The following C14orf93 variants were observed in gnomAD, a reference collection of about 807,000 sequenced individuals.
C14orf93 encodes uncharacterized protein C14orf93.
C14orf93 carries 23 observed loss-of-function variants against 44.0 expected under a neutral mutation model. The observed-to-expected ratio is 0.52, with a 90% confidence interval of 0.38 to 0.74. The LOEUF is 0.74. Ranked by LOEUF, C14orf93 falls within the 30% of genes least tolerant of loss-of-function variation. The probability of loss-of-function intolerance (pLI) is 0.00; values close to 1 mark genes in which losing one functional copy is unlikely to be tolerated. For synonymous variants in C14orf93, 253 were observed against 265.7 expected, an observed-to-expected ratio of 0.95 and a Z score of 0.46; for missense variants, 579 against 678.9, an observed-to-expected ratio of 0.85 and a Z score of 1.64.
chr14:22,993,559 C>CA (rs954529620), intron 3 of C14orf93, among the ~76,000 whole-genome samples: 3 of 151,446 alleles, frequency 2.0e-5, no homozygotes, highest in African/African-American at 7.3e-5. Context: ...AAACAAAAAA[C>CA]AAAAAAAGGG....
intron 1 of C14orf93, among the ~76,000 whole-genome samples, chr14:23,003,700 C>G (rs542865076): frequency 4.6e-5 from 7 of 150,698 alleles, no homozygotes; most frequent in Middle Eastern, 3.4e-3. Context: ...ACTCAGGAGG[C>G]TGAGACAGGA....
At chr14:23,003,157 T>C (rs2046395635) in intron 1 of C14orf93, among the ~76,000 whole-genome samples, 1 of 152,246 alleles carries the variant, frequency 6.6e-6, no homozygotes, top group Non-Finnish European at 1.5e-5. Context: ...CTACTTTGTA[T>C]GTTACCATAC....
chr14:22,989,989 T>C, intron 4 of C14orf93, 77 bp downstream of exon 4: 1 of 1,455,534 alleles, frequency 6.9e-7, no homozygotes, highest in Middle Eastern at 1.7e-4. Flanking sequence ...GTCTCATTGC[T>C]GTATTGGAGC....
At position 22,998,762 on chromosome 14, in the gene C14orf93, C is replaced by A; in HGVS notation, c.262G>T (p.Glu88Ter). 6.2e-7 allele frequency: 1 copy of A among 1,614,142 alleles called. No individual in the cohort carries two copies. Among genetic ancestry groups the A allele is most frequent in the South Asian group, 1.1e-5 (1 of 91,000 alleles). The part of the protein sequence containing the change: ...AALGLARANN[E>*]LLKRLQEEVG... ...TCCTCCTGGAGACGTTTTAACAACT[C>A]ATTGTTGGCCCTGGCAAGACCCAGA... is the stretch of plus-strand genomic sequence containing the variant. Residue 88 changes from glutamate to a stop codon, truncating the protein, a stop_gained, in exon 2 of 7, where the codon GAG becomes TAG. Transcript: ENST00000299088. LOFTEE classifies it high-confidence loss of function.
chr14:22,998,943 C>G lies in C14orf93; in HGVS notation c.81G>C (p.Glu27Asp), dbSNP rs1226559781. Reference sequence around the variant, plus strand: ...GGGAGCCTGTGTTGCCTCCATTAGTCTCACTCTTACAGGCGCAGCAGCAGC... The same window carrying G: ...GGGAGCCTGTGTTGCCTCCATTAGTGTCACTCTTACAGGCGCAGCAGCAGC... ...ARCCCCACKS[E>D]TNGGNTGSQG... Residue 27 changes from glutamate (E) to aspartate (D), a missense_variant, in exon 2 of 7, where the codon GAG becomes GAC. Transcript: ENST00000299088. 1.2e-6 allele frequency: 2 copies of G among 1,613,890 alleles called. No homozygotes were observed. The highest frequency in any genetic ancestry group is 3.3e-5 in the Admixed American group (2 of 60,006).
Position 23,001,839 on chromosome 14 carries a change from T to TAAA in C14orf93, c.-379-2440_-379-2438dup, listed in dbSNP as rs780256403. On this transcript the variant is annotated intron_variant, in intron 1 of 6. Coordinates refer to ENST00000299088, the MANE Select transcript of C14orf93 (RefSeq NM_021944.4). The stretch of plus-strand genomic sequence containing the variant: ...TCCAAAACAGCACTGTACTGCAGGT[T>TAAA]AAAAAAAAAAAAAAAAAAAAAAAAA... 5.3e-3 allele frequency among the ~76,000 whole-genome samples: 318 copies of TAAA among 59,588 alleles called. 6 individuals carry two copies. Among genetic ancestry groups the TAAA allele is most frequent in the African/African-American group, 0.022 (301 of 13,470 alleles). The allele number at this position is 59,588 out of a possible 152,430, so 39.1% of individuals were successfully genotyped here.
chr14:23,007,695 T>C (rs1279067376), intron 1 of C14orf93, among the ~76,000 whole-genome samples: 1 of 152,088 alleles, frequency 6.6e-6, no homozygotes, highest in African/African-American at 2.4e-5. Context: ...CCTACGTTCC[T>C]GGATGTAGAA....
At chr14:23,003,393 G>A (rs1318890079) in intron 1 of C14orf93, among the ~76,000 whole-genome samples, 5 of 152,296 alleles carry the variant, frequency 3.3e-5, no homozygotes, top group South Asian at 2.1e-4. Flanking sequence ...GGTAATAAAC[G>A]AGTATTTCAC....
chr14:23,009,346 T>C (rs180978877), intron 1 of C14orf93, among the ~76,000 whole-genome samples: 41 of 152,284 alleles, frequency 2.7e-4, no homozygotes, highest in Admixed American at 2.0e-3. Context: ...ATTCACATCC[T>C]AGGGGATACT....
Position 22,996,192 on chromosome 14 carries a change from G to A in C14orf93, c.674C>T (p.Pro225Leu). 1 of 1,612,770 alleles carries A rather than the reference G, an allele frequency of 6.2e-7. No homozygotes were observed. The highest frequency in any genetic ancestry group is 1.1e-5 in the South Asian group (1 of 90,924). The change falls in exon 3 of 7, where the codon CCA becomes CTA. Residue 225 changes from proline to leucine, a missense_variant. Transcript: ENST00000299088. This position sits in a 1 kb window ranked among gnomAD's most constrained non-coding sequence, Gnocchi z 4.1. ...CCGCTGGATTGCCAGTTGTGTGGCT[G>A]GTGAGAGTTGCTTGGCATAAGCAGG... ...LVPAYAKQLS[P>L]ATQLAIQRAT...
rs529141026 is a variant in C14orf93 at position 22,995,812 on chromosome 14, T to C, written c.918+136A>G. The C allele has an allele frequency of 1.2e-3, 896 of 731,328 alleles. 11 individuals carry two copies. In the African/African-American group the frequency reaches 0.014, roughly 11 times the overall value. 45.3% of individuals were successfully genotyped at this position (731,328 alleles called of 1,614,324 possible). ...ATCCCTAGTGTTACAGAATAACCTC[T>C]CTCCTTATCCCTCCCACTCTGGTAG... On this transcript the variant is annotated intron_variant, in intron 3 of 6. Transcript: ENST00000299088.
chr14:22,991,839 G>T (rs1168821027), intron 3 of C14orf93, among the ~76,000 whole-genome samples: 3 of 152,110 alleles, frequency 2.0e-5, no homozygotes, highest in Non-Finnish European at 4.4e-5. Context: ...CAAAGTGCTG[G>T]GATTACAGGC....
Position 22,986,431 on chromosome 14 carries a change from A to G in C14orf93, c.*784T>C, listed in dbSNP as rs891796229. 1.3e-5 allele frequency: 2 copies of G among 152,338 alleles called. No homozygotes were observed. Among genetic ancestry groups the G allele is most frequent in the Non-Finnish European group, 2.9e-5 (2 of 68,126 alleles). The allele number at this position is 152,338 out of a possible 1,614,324, so 9.4% of individuals were successfully genotyped here. A position where few individuals can be genotyped will look rare whatever the true frequency, so the allele number is the denominator to read the frequency against. ...CGATCAATGTTTGTTATAAGACTGA[A>G]TAAATGTAAAGCCATTTTTGCTTTT... On this transcript the variant is annotated 3_prime_UTR_variant, in exon 7 of 7. Coordinates refer to ENST00000299088, the MANE Select transcript of C14orf93 (RefSeq NM_021944.4).
At chr14:22,990,681 C>A (rs1392678372) in intron 3 of C14orf93, among the ~76,000 whole-genome samples, 4 of 151,974 alleles carry the variant, frequency 2.6e-5, no homozygotes, top group African/African-American at 9.7e-5. Flanking sequence ...GTTGGCCAGG[C>A]TGGTCTTAAA....
intron 1 of C14orf93, chr14:23,002,857 T>G (rs1010551768): frequency 3.3e-5 from 5 of 152,172 alleles, no homozygotes. Flanking sequence ...TGATTCCTGA[T>G]TCCCTAATTT....
chr14:23,007,418 AC>A (rs1451292734), intron 1 of C14orf93, among the ~76,000 whole-genome samples: 1 of 152,232 alleles, frequency 6.6e-6, no homozygotes, highest in Non-Finnish European at 1.5e-5. Context: ...GATTATAAGC[AC>A]AGTGGCCACA....
Position 22,986,939 on chromosome 14 carries a change from C to T in C14orf93, c.*276G>A, listed in dbSNP as rs2045256650. Reference sequence around the variant, plus strand: ...CCTCATGTTTCTTGGACCCATCCTCCTCATTTTCTCATCCCAGGCTTCTCC... The same window carrying T: ...CCTCATGTTTCTTGGACCCATCCTCTTCATTTTCTCATCCCAGGCTTCTCC... On this transcript the variant is annotated 3_prime_UTR_variant, in exon 7 of 7. Coordinates refer to ENST00000299088, the MANE Select transcript of C14orf93 (RefSeq NM_021944.4). 2 of 457,918 alleles carry T rather than the reference C, an allele frequency of 4.4e-6. No homozygotes were observed. The highest frequency in any genetic ancestry group is 7.9e-6 in the Non-Finnish European group (2 of 254,618). The allele number at this position is 457,918 out of a possible 1,614,324, so 28.4% of individuals were successfully genotyped here.
chr14:22,989,465 C>A (rs1566668470), intron 5 of C14orf93, among the ~76,000 whole-genome samples: 1 of 152,230 alleles, frequency 6.6e-6, no homozygotes, highest in Non-Finnish European at 1.5e-5. Flanking sequence ...CTCCTCGTAA[C>A]ACCTTAGGTG....
chr14:22,991,085 T>C (rs2045589483), intron 3 of C14orf93, among the ~76,000 whole-genome samples: 2 of 151,874 alleles, frequency 1.3e-5, no homozygotes, highest in South Asian at 4.2e-4. Context: ...CCCAAAGTGC[T>C]GGGATTACAG....
Sources: allele counts gnomAD v4.1 joint callset (sites outside exome capture counted in the v4.1 genomes callset), GRCh38; gene constraint gnomAD v4.1.1; non-coding constraint Gnocchi (gnomAD v3.1); transcripts MANE v1.5; gene names NCBI Gene and HGNC (gene_info 2026-07-23, HGNC 2026-07-21).